DPYD: variants seen among roughly 807,000 people sequenced by gnomAD.
DPYD encodes dihydropyrimidine dehydrogenase, also known as dihydropyrimidine dehydrogenase [NADP(+)].
DPYD carries 109 observed loss-of-function variants against 116.2 expected under a neutral mutation model. That is an observed-to-expected ratio of 0.94 (90% CI 0.80 to 1.10). The LOEUF (loss-of-function observed/expected upper bound fraction) is 1.10, where lower values mean the gene tolerates loss of function less well. DPYD is among the 50% of genes least tolerant of loss of function. The pLI, the probability that DPYD is intolerant of heterozygous loss-of-function variation, is 0.00. For synonymous variants in DPYD, 440 were observed against 432.0 expected (o/e 1.02, Z -0.23); for missense variants, 1,302 against 1,254.5 (o/e 1.04, Z -0.57).
chr1:97,125,167 A>G (rs1228706413), intron 20 of DPYD, among the ~76,000 whole-genome samples: 1 of 152,072 alleles, frequency 6.6e-6, no homozygotes, highest in Non-Finnish European at 1.5e-5. Context: ...TGGCAACTGG[A>G]TTTTCAGAAA....
intron 8 of DPYD, among the ~76,000 whole-genome samples, chr1:97,598,604 G>C (rs1655037061): frequency 6.6e-6 from 1 of 151,356 alleles, no homozygotes; most frequent in Non-Finnish European, 1.5e-5. Context: ...GAAAAAGAAG[G>C]GAGGGAGGGA....
intron 21 of DPYD, among the ~76,000 whole-genome samples, chr1:97,086,755 TAA>T (rs5776345): frequency 3.3e-5 from 5 of 151,950 alleles, no homozygotes; most frequent in South Asian, 2.1e-4. Flanking sequence ...CATTGTAAAA[TAA>T]AAAAAAAATC....
chr1:97,315,740 C>T (rs965945566), intron 16 of DPYD, among the ~76,000 whole-genome samples: 1 of 151,972 alleles, frequency 6.6e-6, no homozygotes, highest in Non-Finnish European at 1.5e-5. Flanking sequence ...TCTAGTTCTA[C>T]CCTTGGCTTG....
intron 16 of DPYD, among the ~76,000 whole-genome samples, chr1:97,317,461 T>G (rs1244780283): frequency 6.6e-6 from 1 of 151,986 alleles, no homozygotes; most frequent in African/African-American, 2.4e-5. Context: ...TAAGGGCAAG[T>G]GTGTATGTAA....
At chr1:97,099,427 C>G (rs1650501152) in intron 20 of DPYD, among the ~76,000 whole-genome samples, 1 of 152,010 alleles carries the variant, frequency 6.6e-6, no homozygotes, top group African/African-American at 2.4e-5. Flanking sequence ...TAAGTGGTTT[C>G]AAGTTAACAC....
chr1:97,205,456 T>C (rs920989654), intron 19 of DPYD, among the ~76,000 whole-genome samples: 3 of 152,102 alleles, frequency 2.0e-5, no homozygotes, highest in Non-Finnish European at 4.4e-5. Context: ...CTTAGCAGTA[T>C]GCATTTAAGG....
At chr1:97,512,859 G>T (rs780717344) in intron 13 of DPYD, among the ~76,000 whole-genome samples, 1 of 151,654 alleles carries the variant, frequency 6.6e-6, no homozygotes, top group Non-Finnish European at 1.5e-5. Flanking sequence ...AACATAAATA[G>T]AATCTCAAGA....
intron 12 of DPYD, among the ~76,000 whole-genome samples, chr1:97,548,607 T>C (rs1300003206): frequency 2.6e-5 from 4 of 152,080 alleles, no homozygotes; most frequent in African/African-American, 7.2e-5. Flanking sequence ...TGTGGTGGCA[T>C]GAACCTATAG....
At chr1:97,173,307 T>C (rs890213613) in intron 20 of DPYD, among the ~76,000 whole-genome samples, 6 of 149,836 alleles carry the variant, frequency 4.0e-5, no homozygotes, top group South Asian at 2.1e-4. Context: ...TATGTACATA[T>C]ATATGCACAC....
chr1:97,175,013 T>C (rs759580250), intron 20 of DPYD, among the ~76,000 whole-genome samples: 1 of 152,186 alleles, frequency 6.6e-6, no homozygotes, highest in Non-Finnish European at 1.5e-5. Flanking sequence ...CTTATATGTT[T>C]GTGAGATTCA....
At chr1:97,491,805 A>C (rs995323845) in intron 13 of DPYD, among the ~76,000 whole-genome samples, 2 of 152,142 alleles carry the variant, frequency 1.3e-5, no homozygotes, top group African/African-American at 4.8e-5. Context: ...ATACAAAAAG[A>C]TTTGATCTTA....
intron 14 of DPYD, among the ~76,000 whole-genome samples, chr1:97,425,490 T>C (rs187287374): frequency 1.1e-3 from 160 of 152,208 alleles, no homozygotes; most frequent in African/African-American, 3.8e-3. Flanking sequence ...AGATTTCGGC[T>C]TTCCTGTTAT....
intron 5 of DPYD, among the ~76,000 whole-genome samples, chr1:97,704,687 C>T (rs1315580019): frequency 6.6e-6 from 1 of 151,886 alleles, no homozygotes; most frequent in Non-Finnish European, 1.5e-5. Context: ...ATATAGTTCC[C>T]TATTGTTTCA....
chr1:97,160,432 GA>G (rs1655804521), intron 20 of DPYD, among the ~76,000 whole-genome samples: 2 of 152,064 alleles, frequency 1.3e-5, no homozygotes, highest in African/African-American at 4.8e-5. Flanking sequence ...TAAGAAAATT[GA>G]AAATGAACAA....
chr1:97,560,294 C>T (rs1052067708), intron 11 of DPYD, among the ~76,000 whole-genome samples: 3 of 151,942 alleles, frequency 2.0e-5, no homozygotes, highest in Non-Finnish European at 2.9e-5. Context: ...CCACAAAAGC[C>T]AAGTAAAGAG....
intron 14 of DPYD, among the ~76,000 whole-genome samples, chr1:97,400,988 G>C (rs72728475): frequency 0.074 from 11,195 of 152,072 alleles, 505 homozygotes; most frequent in African/African-American, 0.12. Flanking sequence ...TGTTGTCAGT[G>C]TTATGAATTT....
chr1:97,679,236 C>T, intron 7 of DPYD, 54 bp from the exon 8 acceptor site: 1 of 934,518 alleles, frequency 1.1e-6, no homozygotes, highest in Admixed American at 2.3e-5. Flanking sequence ...TAATTAAAAT[C>T]TTAATATTTA....
intron 12 of DPYD, among the ~76,000 whole-genome samples, chr1:97,529,543 C>T (rs1649409925): frequency 6.6e-6 from 1 of 152,140 alleles, no homozygotes; most frequent in East Asian, 1.9e-4. Context: ...AAAGTCAGTG[C>T]TTTGGATATA....
Position 97,177,789 on chromosome 1 carries a change from C to G in DPYD, c.2622+15280G>C, listed in dbSNP as rs72965886. 9.6e-3 allele frequency among the ~76,000 whole-genome samples: 1,456 copies of G among 152,162 alleles called. 13 individuals carry two copies. Among genetic ancestry groups the G allele is most frequent in the African/African-American group, 0.033 (1,352 of 41,516 alleles). ...GTCAGGCTGTCTTAGTCTGTTCAGG[C>G]TGCTATAATAAAATACCATAAACTT... On this transcript the variant is annotated intron_variant, in intron 20 of 22. Transcript: ENST00000370192.
Sources: allele counts gnomAD v4.1 joint callset (sites outside exome capture counted in the v4.1 genomes callset), GRCh38; gene constraint gnomAD v4.1.1; transcripts MANE v1.5; gene names NCBI Gene and HGNC (gene_info 2026-07-23, HGNC 2026-07-21).